ARHGAP32: variants seen among roughly 807,000 people sequenced by gnomAD.
The protein encoded by ARHGAP32 is Rho GTPase activating protein 32.
A neutral mutation model predicts 186.5 loss-of-function variants in ARHGAP32; 51 were observed. That is an observed-to-expected ratio of 0.27 (90% CI 0.22 to 0.35). The LOEUF (loss-of-function observed/expected upper bound fraction) is 0.35. Ranked by LOEUF, ARHGAP32 falls within the 10% of genes least tolerant of loss-of-function variation. The pLI, the probability that ARHGAP32 is intolerant of heterozygous loss-of-function variation, is 1.00. For missense variants in ARHGAP32, 2,186 were observed against 2,623.5 expected, an observed-to-expected ratio of 0.83 and a Z score of 3.64; for synonymous variants, 950 against 964.3, an observed-to-expected ratio of 0.99 and a Z score of 0.27.
At chr11:129,119,232 G>C (rs1429682378) in intron 5 of ARHGAP32, among the ~76,000 whole-genome samples, 6 of 151,832 alleles carry the variant, frequency 4.0e-5, no homozygotes, top group Admixed American at 1.3e-4. Flanking sequence ...AGGAAAGCAA[G>C]ACCAAGGCTA....
chr11:129,183,991 C>T (rs1944106364), intron 1 of ARHGAP32, among the ~76,000 whole-genome samples: 1 of 152,044 alleles, frequency 6.6e-6, no homozygotes, highest in Admixed American at 6.6e-5. Flanking sequence ...CACCAGAAGG[C>T]CAGAGATCAG....
At chr11:129,213,936 GTTTGT>G (rs1565470565) in intron 1 of ARHGAP32, among the ~76,000 whole-genome samples, 1 of 151,904 alleles carries the variant, frequency 6.6e-6, no homozygotes, top group Non-Finnish European at 1.5e-5. Context: ...AGGTAAGAAT[GTTTGT>G]TTTGTTTTCT....
intron 6 of ARHGAP32, among the ~76,000 whole-genome samples, chr11:129,092,697 T>A (rs1044378928): frequency 3.9e-5 from 6 of 152,010 alleles, no homozygotes; most frequent in Non-Finnish European, 1.5e-5. Context: ...TTCCTTAAGG[T>A]GACCACAACT....
At chr11:129,082,635 C>A (rs1941253674) in intron 6 of ARHGAP32, among the ~76,000 whole-genome samples, 2 of 152,154 alleles carry the variant, frequency 1.3e-5, no homozygotes, top group Admixed American at 6.5e-5. Flanking sequence ...AGACCTGACA[C>A]CACAAAAATT....
chr11:129,254,247 T>C (rs148165306), intron 1 of ARHGAP32, among the ~76,000 whole-genome samples: 354 of 152,112 alleles, frequency 2.3e-3, no homozygotes, highest in African/African-American at 8.4e-3. Flanking sequence ...GAAAAAAGGT[T>C]CCCCAAAGTT....
chr11:129,246,822 G>A (rs1480967065), intron 1 of ARHGAP32, among the ~76,000 whole-genome samples: 1 of 152,134 alleles, frequency 6.6e-6, no homozygotes, highest in African/African-American at 2.4e-5. Context: ...TTTTAAAAGG[G>A]CCTATCCTCT....
intron 1 of ARHGAP32, among the ~76,000 whole-genome samples, chr11:129,241,137 C>T (rs1472727666): frequency 6.6e-6 from 1 of 152,146 alleles, no homozygotes; most frequent in Non-Finnish European, 1.5e-5. Context: ...AATGAGCTCA[C>T]ATGTACAAAA....
chr11:129,273,000 C>T (rs989479746), intron 1 of ARHGAP32, among the ~76,000 whole-genome samples: 1 of 152,152 alleles, frequency 6.6e-6, no homozygotes, highest in Non-Finnish European at 1.5e-5. Flanking sequence ...TTCAGAGCTG[C>T]TGCTTCTCCA....
At chr11:129,135,343 C>T (rs1942912068) in intron 2 of ARHGAP32, among the ~76,000 whole-genome samples, 1 of 152,090 alleles carries the variant, frequency 6.6e-6, no homozygotes, top group Admixed American at 6.5e-5. Context: ...CAAAAGATCA[C>T]AATAGAGAAT....
upstream of ARHGAP32, among the ~76,000 whole-genome samples, chr11:129,193,559 T>A (rs1200264415): frequency 1.4e-4 from 2 of 14,656 alleles, no homozygotes; most frequent in South Asian, 7.1e-4. Flanking sequence ...AATATATATA[T>A]ATTATATATA....
At chr11:129,150,925 G>A (rs1221482072) in intron 2 of ARHGAP32, among the ~76,000 whole-genome samples, 28 of 144,274 alleles carry the variant, frequency 1.9e-4, no homozygotes, top group Admixed American at 1.4e-4. Context: ...GAGAATGGCA[G>A]AATGAATTAA....
At chr11:128,985,827 T>TGC (rs1253199100) in intron 15 of ARHGAP32, 176 bp downstream of exon 15, 22 of 154,574 alleles carry the variant, frequency 1.4e-4, no homozygotes, top group African/African-American at 3.2e-4. Flanking sequence ...TGTGTGTGTG[T>TGC]GTGCGTGTGT....
At chr11:129,021,749 A>G (rs1938602705) in intron 11 of ARHGAP32, among the ~76,000 whole-genome samples, 1 of 152,120 alleles carries the variant, frequency 6.6e-6, no homozygotes. Flanking sequence ...AATAATAAAT[A>G]CGATTGGTTC....
At chr11:129,041,680 T>A (rs1296467878) in intron 10 of ARHGAP32, among the ~76,000 whole-genome samples, 1 of 152,172 alleles carries the variant, frequency 6.6e-6, no homozygotes, top group Non-Finnish European at 1.5e-5. Flanking sequence ...AGTGACCTAG[T>A]AGCAGAACCG....
intron 1 of ARHGAP32, among the ~76,000 whole-genome samples, chr11:129,191,363 G>A (rs1268597744): frequency 6.9e-6 from 1 of 145,904 alleles, no homozygotes; most frequent in African/African-American, 2.5e-5. Flanking sequence ...CCTAAAATTT[G>A]CAACAGTACA....
intron 12 of ARHGAP32, among the ~76,000 whole-genome samples, chr11:128,995,363 T>C (rs1011567123): frequency 3.3e-5 from 5 of 152,154 alleles, no homozygotes; most frequent in African/African-American, 1.2e-4. Flanking sequence ...TGTGCCACCA[T>C]GCCCAGCTCG....
intron 10 of ARHGAP32, among the ~76,000 whole-genome samples, chr11:129,056,069 A>T (rs1389265933): frequency 1.3e-5 from 2 of 150,422 alleles, no homozygotes; most frequent in Non-Finnish European, 3.0e-5. Context: ...TTCTAGAAAC[A>T]GTGCTCAGTC....
At chr11:129,238,650 G>A (rs1944968976) in intron 1 of ARHGAP32, among the ~76,000 whole-genome samples, 1 of 151,934 alleles carries the variant, frequency 6.6e-6, no homozygotes, top group South Asian at 2.1e-4. Context: ...GGCTCAGGTG[G>A]GAGGACTGCT....
At chr11:129,194,439 T>C (rs973088813), upstream of ARHGAP32, among the ~76,000 whole-genome samples, 15 of 152,032 alleles carry the variant, frequency 9.9e-5, no homozygotes, top group African/African-American at 3.6e-4. Context: ...GCCCTACAGG[T>C]CACAATACGG....
Sources: gnomAD v4.1 joint callset for allele counts (sites outside exome capture counted in the v4.1 genomes callset) on GRCh38, gnomAD v4.1.1 for gene constraint, MANE v1.5 for transcripts, NCBI Gene and HGNC (gene_info 2026-07-23, HGNC 2026-07-21) for gene names.